STARD13: variants seen among roughly 807,000 people sequenced by gnomAD.
The protein encoded by STARD13 is stAR-related lipid transfer protein 13.
In STARD13, 62 loss-of-function variants were observed where a neutral mutation model predicts 106.4. That is an observed-to-expected ratio of 0.58 (90% CI 0.48 to 0.72). The LOEUF is 0.72. Ranked by LOEUF, STARD13 falls within the 30% of genes least tolerant of loss-of-function variation. The pLI is 0.00. For missense variants in STARD13, 1,387 were observed against 1,424.0 expected (o/e 0.97, Z 0.42); for synonymous variants, 565 against 553.0 (o/e 1.02, Z -0.31).
intron 1 of STARD13, among the ~76,000 whole-genome samples, chr13:33,213,146 A>C (rs997662897): frequency 1.2e-4 from 19 of 152,218 alleles, no homozygotes; most frequent in African/African-American, 4.1e-4. Flanking sequence ...TGGGTACATA[A>C]AATTCCAATG....
chr13:33,267,996 A>G (rs1304415547), intron 1 of STARD13, among the ~76,000 whole-genome samples: 1 of 152,168 alleles, frequency 6.6e-6, no homozygotes, highest in Non-Finnish European at 1.5e-5. Context: ...AAATGTCTGA[A>G]AGATTCTGTG....
chr13:33,488,592 T>A, the STARD13 span, among the ~76,000 whole-genome samples: 5 of 152,200 alleles, frequency 3.3e-5, no homozygotes, highest in African/African-American at 7.2e-5. Flanking sequence ...TGATCTTCCT[T>A]TTGGGCATGA....
intron 8 of STARD13, among the ~76,000 whole-genome samples, chr13:33,116,646 T>C (rs535606652): frequency 6.6e-6 from 1 of 152,348 alleles, no homozygotes; most frequent in Admixed American, 6.5e-5. Context: ...AAGAACTGAT[T>C]AAATGTAAAA....
the STARD13 span, among the ~76,000 whole-genome samples, chr13:33,510,153 A>T: frequency 6.6e-6 from 1 of 152,176 alleles, no homozygotes; most frequent in South Asian, 2.1e-4. Context: ...TGCTAAATTT[A>T]TCTTTTAGCC....
chr13:33,210,105 T>A (rs1231726003), intron 1 of STARD13, among the ~76,000 whole-genome samples: 2 of 152,154 alleles, frequency 1.3e-5, no homozygotes, highest in Non-Finnish European at 2.9e-5. Context: ...GTAGGAAGGA[T>A]CCTAGAGGCA....
intron 1 of STARD13, among the ~76,000 whole-genome samples, chr13:33,180,180 A>G (rs372440112): frequency 6.6e-6 from 1 of 152,226 alleles, no homozygotes; most frequent in South Asian, 2.1e-4. Flanking sequence ...CATAAATGAG[A>G]TGTGACACTT....
the STARD13 span, among the ~76,000 whole-genome samples, chr13:33,590,686 C>A: frequency 1.4e-4 from 15 of 110,956 alleles, no homozygotes; most frequent in Non-Finnish European, 2.4e-4. Flanking sequence ...ACATCACACA[C>A]TGGGGCCTGT....
chr13:33,388,910 T>G, the STARD13 span, among the ~76,000 whole-genome samples: 4 of 151,890 alleles, frequency 2.6e-5, no homozygotes, highest in East Asian at 7.7e-4. Flanking sequence ...ACTCTTTACA[T>G]CTTTGCCTCA....
the STARD13 span, among the ~76,000 whole-genome samples, chr13:33,378,646 C>T: frequency 8.6e-5 from 13 of 151,512 alleles, no homozygotes; most frequent in South Asian, 4.2e-4. Context: ...AAAAATCAGC[C>T]GAGTGTGGTG....
chr13:33,507,661 C>G, the STARD13 span, among the ~76,000 whole-genome samples: 1 of 152,166 alleles, frequency 6.6e-6, no homozygotes, highest in Non-Finnish European at 1.5e-5. Context: ...ACTTGTGAGT[C>G]CCCAAGAAAA....
intron 1 of STARD13, among the ~76,000 whole-genome samples, chr13:33,179,885 C>A (rs1319214895): frequency 1.3e-5 from 2 of 152,144 alleles, no homozygotes; most frequent in Non-Finnish European, 2.9e-5. Flanking sequence ...CATAAACAAC[C>A]CATCTTCTTC....
At chr13:33,521,016 T>A in the STARD13 span, among the ~76,000 whole-genome samples, 1 of 152,236 alleles carries the variant, frequency 6.6e-6, no homozygotes, top group Non-Finnish European at 1.5e-5. Flanking sequence ...AAAGGATAGA[T>A]AAGCATTACT....
At chr13:33,482,044 A>T in the STARD13 span, among the ~76,000 whole-genome samples, 1 of 152,112 alleles carries the variant, frequency 6.6e-6, no homozygotes, top group Non-Finnish European at 1.5e-5. Context: ...ATTTGATGAT[A>T]CTAAAAATTA....
chr13:33,524,055 C>G, the STARD13 span, among the ~76,000 whole-genome samples: 1 of 152,014 alleles, frequency 6.6e-6, no homozygotes, highest in Non-Finnish European at 1.5e-5. Context: ...TATATATGTT[C>G]TCATTACAAA....
the STARD13 span, among the ~76,000 whole-genome samples, chr13:33,655,720 G>A: frequency 3.3e-5 from 5 of 152,172 alleles, no homozygotes; most frequent in Admixed American, 1.3e-4. Flanking sequence ...GAACATAGTA[G>A]ATATTTAATA....
the STARD13 span, among the ~76,000 whole-genome samples, chr13:33,522,820 T>A: frequency 6.6e-6 from 1 of 152,186 alleles, no homozygotes; most frequent in Non-Finnish European, 1.5e-5. Context: ...CATTTGTAAA[T>A]TCAGCATAAC....
the STARD13 span, among the ~76,000 whole-genome samples, chr13:33,394,515 C>G: frequency 6.6e-6 from 1 of 152,178 alleles, no homozygotes; most frequent in Non-Finnish European, 1.5e-5. Context: ...ATGATCCTCT[C>G]TCTGCCTGGA....
intron 4 of STARD13, among the ~76,000 whole-genome samples, chr13:33,140,068 T>C (rs970781698): frequency 4.6e-5 from 7 of 152,222 alleles, no homozygotes. Flanking sequence ...AAAGACTACA[T>C]TAAGGTCAGA....
chr13:33,515,209 C>T, the STARD13 span, among the ~76,000 whole-genome samples: 5 of 152,134 alleles, frequency 3.3e-5, no homozygotes, highest in African/African-American at 9.7e-5. Context: ...TGTGAGAAAA[C>T]CCTTTACTCT....
Sources: allele counts gnomAD v4.1 joint callset (sites outside exome capture counted in the v4.1 genomes callset), GRCh38; gene constraint gnomAD v4.1.1; transcripts MANE v1.5; gene names NCBI Gene and HGNC (gene_info 2026-07-23, HGNC 2026-07-21).